Variants in IQGAP3 observed in about 807,000 individuals in gnomAD.
The protein encoded by IQGAP3 is ras GTPase-activating-like protein IQGAP3.
Under a neutral mutation model 208.2 loss-of-function variants are expected in IQGAP3, and 165 were observed. That is an observed-to-expected ratio of 0.79 (90% CI 0.70 to 0.90). The LOEUF is 0.90. Among genes scored for constraint, IQGAP3 ranks in the 40% least tolerant of loss-of-function variants. The pLI is 0.00. For synonymous variants in IQGAP3, 703 were observed against 803.6 expected, an observed-to-expected ratio of 0.87 and a Z score of 2.12; for missense variants, 1,811 against 2,043.1, an observed-to-expected ratio of 0.89 and a Z score of 2.19.
At chr1:156,548,871 G>A in intron 16 of IQGAP3, 123 bp from the exon 17 acceptor site, 1 of 955,686 alleles carries the variant, frequency 1.0e-6, no homozygotes, top group South Asian at 2.3e-5. Flanking sequence ...TGAAGGAGTA[G>A]ACGGGAACAT....
At position 156,534,566 on chromosome 1, in the gene IQGAP3, G is replaced by A. The variant is rs1426243008; in HGVS notation, c.3675C>T (p.Phe1225=). The A allele has an allele frequency of 4.3e-6, 7 of 1,612,122 alleles. No homozygotes were observed. The South Asian group carries it at 7.7e-5, about 18-fold the overall frequency. ...CCCGTAGGTGCTGGCTCTGCCCAGAGAAGGCCTTGCCAGCCGCAGCGTGCT... is the reference window on the plus strand; with the variant it reads ...CCCGTAGGTGCTGGCTCTGCCCAGAAAAGGCCTTGCCAGCCGCAGCGTGCT... The part of the protein sequence containing the change: ...LLQHAAAGKA[F]SGQSQHLRVL... The change falls in exon 29 of 38, where the codon TTC becomes TTT. Residue 1225 remains phenylalanine, a synonymous_variant. Transcript: ENST00000361170.
rs763130266 is a variant in IQGAP3, at chr1:156,548,136, C to G, written c.2241G>C (p.Arg747=). ...LQARLRGFLV[R]QKFAEHSHFL... is the part of the protein sequence containing the mutation. The stretch of plus-strand genomic sequence containing the variant: ...AGTGGGAATGCTCAGCAAACTTCTG[C>G]CGAACTAGGAAGCCACGGAGGCGGG... The change falls in exon 19 of 38, where the codon CGG becomes CGC. Residue 747 remains arginine (R), a synonymous_variant. Transcript: ENST00000361170. 12 of 1,613,736 alleles carry G rather than the reference C, an allele frequency of 7.4e-6. No individual in the cohort carries two copies. The African/African-American group carries it at 1.6e-4, about 22-fold the overall frequency.
intron 22 of IQGAP3, 31 bp downstream of exon 22, chr1:156,543,950 A>G: frequency 6.2e-7 from 1 of 1,603,918 alleles, no homozygotes; most frequent in Non-Finnish European, 8.5e-7. Context: ...CTCCCTCCCA[A>G]CAGCTGGGGA....
chr1:156,565,276 C>A (rs1676351075), intron 4 of IQGAP3, among the ~76,000 whole-genome samples: 1 of 152,182 alleles, frequency 6.6e-6, no homozygotes, highest in Non-Finnish European at 1.5e-5. Flanking sequence ...TGTAATGAGG[C>A]CTAACCTCAA....
At chr1:156,527,096 G>T (rs1469443775) in intron 37 of IQGAP3, among the ~76,000 whole-genome samples, 1 of 151,738 alleles carries the variant, frequency 6.6e-6, no homozygotes, top group Non-Finnish European at 1.5e-5. Flanking sequence ...CTCCCAAAGT[G>T]CTGGGATTAC....
Position 156,561,957 on chromosome 1 carries a change from T to G in IQGAP3, c.922A>C (p.Ser308Arg), listed in dbSNP as rs1163040707. The G allele has an allele frequency of 1.2e-6, 2 of 1,613,646 alleles. No homozygotes were observed. The highest frequency in any genetic ancestry group is 4.5e-5 in the East Asian group (2 of 44,874). The change falls in exon 10 of 38, where the codon AGC becomes CGC. Residue 308 changes from serine (S) to arginine (R), a missense_variant. Ser to Arg is a moderately radical substitution (Grantham distance 110, BLOSUM62 -1). Coordinates refer to ENST00000361170, the MANE Select transcript of IQGAP3 (RefSeq NM_178229.5). ...AGGGCCTTGAGCAAGGCTTCAGGGCTCTGTCTTTCCAGGGCATCATCAACA... is the reference window on the plus strand; with the variant it reads ...AGGGCCTTGAGCAAGGCTTCAGGGCGCTGTCTTTCCAGGGCATCATCAACA... ...EVVDDALERQSPEALLKALQD... is the reference protein window; with the variant it reads ...EVVDDALERQRPEALLKALQD...
Position 156,551,822 on chromosome 1 carries a change from G to T in IQGAP3, c.1617C>A (p.Ser539Arg). 1 of 1,613,466 alleles carries T rather than the reference G, an allele frequency of 6.2e-7. No homozygotes were observed. The highest frequency in any genetic ancestry group is 8.5e-7 in the Non-Finnish European group (1 of 1,179,740). The change falls in exon 15 of 38, where the codon AGC becomes AGA. Residue 539 changes from serine to arginine, a missense_variant. By Grantham distance (110) the Ser-to-Arg change is moderately radical (BLOSUM62 -1). Transcript: ENST00000361170. Reference protein sequence around the residue: ...SLINEALDKGSPEKTLSALLL... With the variant: ...SLINEALDKGRPEKTLSALLL... ...GTAGGGCAGACAGAGTCTTCTCAGG[G>T]CTGCCTTTGTCCAGAGCCTCATTGA...
intron 19 of IQGAP3, among the ~76,000 whole-genome samples, chr1:156,546,884 T>C (rs1191207632): frequency 2.6e-5 from 4 of 152,226 alleles, no homozygotes; most frequent in Non-Finnish European, 5.9e-5. Flanking sequence ...GTTGTCTTCA[T>C]GTCCCTCCTA....
intron 33 of IQGAP3, among the ~76,000 whole-genome samples, 191 bp from the exon 34 acceptor site, chr1:156,530,508 G>C (rs1571309636): frequency 6.6e-6 from 1 of 152,216 alleles, no homozygotes. Context: ...AGAATATCAA[G>C]GTATAACACC....
intron 13 of IQGAP3, among the ~76,000 whole-genome samples, chr1:156,553,038 C>T (rs1367613692): frequency 1.3e-5 from 2 of 152,176 alleles, no homozygotes; most frequent in Non-Finnish European, 1.5e-5. Context: ...TGCACCACTG[C>T]ACTCCAGCCT....
At chr1:156,538,419 C>T (rs1259411371) in intron 26 of IQGAP3, among the ~76,000 whole-genome samples, 1 of 151,838 alleles carries the variant, frequency 6.6e-6, no homozygotes, top group African/African-American at 2.4e-5. Context: ...AAACTCCTGA[C>T]CTCAGGTGAT....
rs528299856 is a variant in IQGAP3 at position 156,560,178 on chromosome 1, G to A, written c.1129+756C>T. On this transcript the variant is annotated intron_variant, in intron 11 of 37. Coordinates refer to ENST00000361170, the MANE Select transcript of IQGAP3 (RefSeq NM_178229.5). ...TACTTGCAGTGCAGATAGATCTCTT[G>A]GAGGAAGACAATTACTAACTCACAT... Among the ~76,000 whole-genome samples the A allele has an allele frequency of 1.3e-3, 198 of 152,234 alleles. 1 individual carries two copies. In the Middle Eastern group the frequency reaches 0.017, roughly 13 times the overall value.
In IQGAP3 at chr1:156,526,382, C is replaced by G; in HGVS notation, c.*104G>C. The G allele has an allele frequency of 2.6e-6, 2 of 782,554 alleles. No individual in the cohort carries two copies. The highest frequency in any genetic ancestry group is 4.4e-6 in the Non-Finnish European group (2 of 451,054). 48.5% of individuals were successfully genotyped at this position (782,554 alleles called of 1,614,324 possible). ...GGGGTGAGAATCCCTGGGCCTTGCC[C>G]AGTCCTGAGCTCTAGGTGTCTGCAG... On this transcript the variant is annotated 3_prime_UTR_variant, in exon 38 of 38. Transcript: ENST00000361170.
At position 156,538,962 on chromosome 1, in the gene IQGAP3, T is replaced by C. The variant is rs1173218391; in HGVS notation, c.3128A>G (p.Tyr1043Cys). Residue 1043 changes from tyrosine (Y) to cysteine (C), a missense_variant, in exon 26 of 38, where the codon TAC (tyrosine) becomes TGC (cysteine). Transcript: ENST00000361170. ...GGCACTCTGTCCCCGCCCATTACGGTAGAATCTCACCACCAGCCTCACCAC... is the reference window on the plus strand; with the variant it reads ...GGCACTCTGTCCCCGCCCATTACGGCAGAATCTCACCACCAGCCTCACCAC... ...PTVVRLVVRF[Y>C]RNGRGQSALQ... 7 of 1,614,156 alleles carry C rather than the reference T, an allele frequency of 4.3e-6. No homozygotes were observed. Among genetic ancestry groups the C allele is most frequent in the East Asian group, 2.2e-5 (1 of 44,886 alleles).
chr1:156,563,008 T>A (rs973200384), intron 8 of IQGAP3, 126 bp downstream of exon 8: 1 of 796,238 alleles, frequency 1.3e-6, no homozygotes, highest in Admixed American at 2.4e-5. Context: ...AAATCACTGA[T>A]AAATTATGGT....
intron 37 of IQGAP3, among the ~76,000 whole-genome samples, chr1:156,527,003 T>A (rs1674101502): frequency 6.6e-6 from 1 of 151,580 alleles, no homozygotes; most frequent in Non-Finnish European, 1.5e-5. Flanking sequence ...AGGCTAATTT[T>A]TGTATTTTTA....
intron 16 of IQGAP3, among the ~76,000 whole-genome samples, chr1:156,549,231 C>T (rs1383015395): frequency 7.2e-5 from 11 of 152,206 alleles, no homozygotes; most frequent in African/African-American, 2.2e-4. Context: ...GAGGCTTAGG[C>T]GGGCAGATCA....
chr1:156,556,572 C>T lies in IQGAP3; in HGVS notation c.1251G>A (p.Met417Ile). ...LPPVYPVASSMYQLELAVLQQ... is the reference protein window; with the variant it reads ...LPPVYPVASSIYQLELAVLQQ... ...GGAGCACTGCCAGCTCCAGCTGGTA[C>T]ATAGACGATGCAACAGGGTACACTG... Residue 417 changes from methionine to isoleucine, a missense_variant, in exon 12 of 38, where the codon ATG becomes ATA. Physicochemically the swap from Met to Ile is conservative, Grantham distance 10 (BLOSUM62 1). Coordinates refer to ENST00000361170, the MANE Select transcript of IQGAP3 (RefSeq NM_178229.5). 1.2e-6 allele frequency: 2 copies of T among 1,613,674 alleles called. No individual in the cohort carries two copies. Among genetic ancestry groups the T allele is most frequent in the South Asian group, 1.1e-5 (1 of 91,070 alleles).
Position 156,544,234 on chromosome 1 carries a change from A to T in IQGAP3, c.2389-11T>A. 6.2e-7 allele frequency: 1 copy of T among 1,614,032 alleles called. No individual in the cohort carries two copies. The highest frequency in any genetic ancestry group is 8.5e-7 in the Non-Finnish European group (1 of 1,179,946). On this transcript the variant is annotated splice_polypyrimidine_tract_variant and intron_variant, in intron 20 of 37. Transcript: ENST00000361170. ...GGCCCAGGCCTGGATCTGGGAGAAG[A>T]AACACACTGCCTCAGCTCCAGCTTG...
Sources: gnomAD v4.1 joint callset for allele counts (sites outside exome capture counted in the v4.1 genomes callset) on GRCh38, gnomAD v4.1.1 for gene constraint, MANE v1.5 for transcripts, NCBI Gene and HGNC (gene_info 2026-07-23, HGNC 2026-07-21) for gene names.